The following RBFOX1 variants were observed in gnomAD, a reference collection of about 807,000 sequenced individuals.
RBFOX1 encodes the protein RNA binding protein fox-1 homolog 1.
A neutral mutation model predicts 57.7 loss-of-function variants in RBFOX1; 8 were observed. The observed-to-expected ratio is 0.14, with a 90% CI of 0.08 to 0.25. The LOEUF (loss-of-function observed/expected upper bound fraction) is 0.25, where lower values mean the gene tolerates loss of function less well. RBFOX1 is among the 10% of genes least tolerant of loss of function. RBFOX1 has a pLI of 1.00. For synonymous variants in RBFOX1, 326 were observed against 222.4 expected (o/e 1.47, Z -4.15); for missense variants, 611 against 548.5 (o/e 1.11, Z -1.14).
chr16:7,035,951 T>C (rs1277759900), intron 3 of RBFOX1, among the ~76,000 whole-genome samples: 1 of 152,070 alleles, frequency 6.6e-6, no homozygotes, highest in Admixed American at 6.5e-5. Context: ...TTCAGACAAC[T>C]GAACTGGAAA....
chr16:5,277,739 G>C (rs11860000), intron 1 of RBFOX1, among the ~76,000 whole-genome samples: 3,633 of 152,252 alleles, frequency 0.024, 155 homozygotes, highest in African/African-American at 0.083. Context: ...ATATAAGTGA[G>C]AACATGCAAT....
chr16:5,436,762 C>T (rs1676204217), intron 1 of RBFOX1, among the ~76,000 whole-genome samples: 1 of 151,874 alleles, frequency 6.6e-6, no homozygotes, highest in Non-Finnish European at 1.5e-5. Context: ...CACTTGAACC[C>T]AGGAAGCGGA....
intron 2 of RBFOX1, among the ~76,000 whole-genome samples, chr16:6,375,794 A>G (rs1000719974): frequency 6.6e-6 from 1 of 152,170 alleles, no homozygotes; most frequent in African/African-American, 2.4e-5. Flanking sequence ...AAGGGTATCC[A>G]TGATGAACAG....
rs377144527 is a variant in RBFOX1 at position 6,555,658 on chromosome 16, C to T, written c.-63-98945C>T. On this transcript the variant is annotated intron_variant, in intron 2 of 15. Transcript: ENST00000550418. ...GAGCTTGCCGTGAGCCAAGATCATG[C>T]CACTGCACTCCAGCCTGGGCGACAG... Among the ~76,000 whole-genome samples the T allele has an allele frequency of 2.4e-4, 36 of 152,190 alleles. 2 individuals carry two copies. In the South Asian group the frequency reaches 7.3e-3, roughly 31 times the overall value.
intron 3 of RBFOX1, among the ~76,000 whole-genome samples, chr16:5,793,281 C>T (rs1353206165): frequency 6.6e-6 from 1 of 152,254 alleles, no homozygotes; most frequent in African/African-American, 2.4e-5. Context: ...CTCTGCTTCT[C>T]CCCTGGCCCG....
At chr16:5,848,910 C>G (rs1411880960) in intron 3 of RBFOX1, among the ~76,000 whole-genome samples, 4 of 151,992 alleles carry the variant, frequency 2.6e-5, no homozygotes, top group African/African-American at 4.8e-5. Context: ...GATCATGCCA[C>G]TGCACTTCAG....
At chr16:6,318,415 TA>T (rs1170580293) in intron 2 of RBFOX1, among the ~76,000 whole-genome samples, 1 of 152,204 alleles carries the variant, frequency 6.6e-6, no homozygotes, top group African/African-American at 2.4e-5. Flanking sequence ...AGTGTAAAGT[TA>T]AATTTGCTTG....
intron 1 of RBFOX1, among the ~76,000 whole-genome samples, chr16:6,069,056 A>C (rs1012607564): frequency 5.3e-5 from 8 of 152,138 alleles, no homozygotes; most frequent in African/African-American, 1.2e-4. Flanking sequence ...GAAGGAGAGA[A>C]GGAAGAAAGG....
chr16:5,311,629 T>C (rs770521175), intron 1 of RBFOX1, among the ~76,000 whole-genome samples: 1 of 152,218 alleles, frequency 6.6e-6, no homozygotes. Context: ...TGGTTTTATT[T>C]TGCTTTCCCT....
At chr16:6,136,776 T>G (rs2096670533) in intron 1 of RBFOX1, among the ~76,000 whole-genome samples, 1 of 152,216 alleles carries the variant, frequency 6.6e-6, no homozygotes, top group African/African-American at 2.4e-5. Flanking sequence ...ACTGCTGGCT[T>G]TCCATACACA....
intron 1 of RBFOX1, among the ~76,000 whole-genome samples, chr16:5,455,330 A>G (rs2068596761): frequency 6.6e-6 from 1 of 152,160 alleles, no homozygotes; most frequent in African/African-American, 2.4e-5. Flanking sequence ...AGAGACCAAG[A>G]CAGATATATG....
chr16:7,280,738 G>A (rs1273252548), intron 4 of RBFOX1, among the ~76,000 whole-genome samples: 3 of 152,124 alleles, frequency 2.0e-5, no homozygotes, highest in Admixed American at 6.5e-5. Context: ...TTTATCCATT[G>A]TAGGATGTTT....
intron 10 of RBFOX1, among the ~76,000 whole-genome samples, chr16:7,623,527 A>G (rs536431782): frequency 4.7e-4 from 71 of 152,198 alleles, no homozygotes; most frequent in African/African-American, 1.5e-3. Context: ...TGAAAATCCA[A>G]TGCTTCCACT....
chr16:6,522,703 C>A (rs942763502), intron 2 of RBFOX1, among the ~76,000 whole-genome samples: 1 of 152,044 alleles, frequency 6.6e-6, no homozygotes, highest in African/African-American at 2.4e-5. Flanking sequence ...AAACAGTGAA[C>A]CATAAGAAGG....
intron 3 of RBFOX1, among the ~76,000 whole-genome samples, chr16:6,853,537 C>T (rs1356164976): frequency 6.6e-6 from 1 of 152,020 alleles, no homozygotes; most frequent in Non-Finnish European, 1.5e-5. Context: ...GTGGTAGATG[C>T]TTTCAGAATT....
At chr16:7,379,263 A>C (rs763224937) in intron 4 of RBFOX1, among the ~76,000 whole-genome samples, 1 of 152,210 alleles carries the variant, frequency 6.6e-6, no homozygotes, top group Non-Finnish European at 1.5e-5. Flanking sequence ...AAAGAGTTTC[A>C]TTGGTAACTG....
intron 4 of RBFOX1, among the ~76,000 whole-genome samples, chr16:7,120,815 T>TTATATA (rs201841382): frequency 0.018 from 2,088 of 113,480 alleles, 36 homozygotes; most frequent in African/African-American, 0.045. Context: ...ATGTAATATT[T>TTATATA]TATATATGTA....
chr16:7,700,768 A>T (rs1041517006), intron 14 of RBFOX1, among the ~76,000 whole-genome samples: 63 of 152,184 alleles, frequency 4.1e-4, no homozygotes, highest in African/African-American at 1.5e-3. Context: ...CTACTCCGAG[A>T]GTGGCTGCTA....
intron 1 of RBFOX1, among the ~76,000 whole-genome samples, chr16:6,311,482 C>T (rs917254030): frequency 4.6e-5 from 7 of 152,008 alleles, no homozygotes; most frequent in Non-Finnish European, 8.8e-5. Context: ...AGAATCCGCT[C>T]CTGAAGTCAA....
Sources: gnomAD v4.1 joint callset for allele counts (sites outside exome capture counted in the v4.1 genomes callset) on GRCh38, gnomAD v4.1.1 for gene constraint, MANE v1.5 for transcripts, NCBI Gene and HGNC (gene_info 2026-07-23, HGNC 2026-07-21) for gene names.